Variants in IMMP2L observed in about 807,000 individuals in gnomAD.
The protein encoded by IMMP2L is inner mitochondrial membrane peptidase subunit 2, also known as mitochondrial inner membrane protease subunit 2.
A neutral mutation model predicts 19.3 loss-of-function variants in IMMP2L; 18 were observed. That is an observed-to-expected ratio of 0.93 (90% CI 0.64 to 1.38). IMMP2L has a LOEUF of 1.38. IMMP2L is among the 40% of genes most tolerant of loss of function. IMMP2L has a pLI of 0.00. For missense variants in IMMP2L, 233 were observed against 218.2 expected, an observed-to-expected ratio of 1.07 and a Z score of -0.43; for synonymous variants, 76 against 73.0, an observed-to-expected ratio of 1.04 and a Z score of -0.21.
intron 5 of IMMP2L, among the ~76,000 whole-genome samples, chr7:110,838,457 C>G (rs1314861379): frequency 6.6e-6 from 1 of 152,024 alleles, no homozygotes; most frequent in Non-Finnish European, 1.5e-5. Flanking sequence ...TATGGCAGTA[C>G]TGAAAGATGG....
intron 5 of IMMP2L, among the ~76,000 whole-genome samples, chr7:110,820,712 T>G (rs1177604804): frequency 6.6e-6 from 1 of 152,006 alleles, no homozygotes; most frequent in Non-Finnish European, 1.5e-5. Context: ...GCATACATAA[T>G]TTTTCAACTC....
intron 3 of IMMP2L, among the ~76,000 whole-genome samples, chr7:111,480,152 C>T (rs1842054603): frequency 6.6e-6 from 1 of 150,400 alleles, no homozygotes; most frequent in African/African-American, 2.5e-5. Context: ...GGCGCAATCT[C>T]GGCTCACTGC....
At chr7:111,435,643 T>A (rs1837085975) in intron 3 of IMMP2L, among the ~76,000 whole-genome samples, 1 of 151,822 alleles carries the variant, frequency 6.6e-6, no homozygotes, top group South Asian at 2.1e-4. Context: ...TATACACATG[T>A]AAGAAACCTG....
intron 3 of IMMP2L, among the ~76,000 whole-genome samples, chr7:110,998,845 G>C (rs1241719103): frequency 6.6e-6 from 1 of 152,164 alleles, no homozygotes. Context: ...GATTCAAGGG[G>C]AGAGGATATA....
At chr7:110,735,846 CA>C (rs59078426) in intron 5 of IMMP2L, among the ~76,000 whole-genome samples, 7,968 of 47,274 alleles carry the variant, frequency 0.17, 208 homozygotes, top group African/African-American at 0.32. Context: ...CACTCTGCCT[CA>C]AAAAAAAAAA....
intron 3 of IMMP2L, among the ~76,000 whole-genome samples, chr7:111,060,052 C>T (rs1040124267): frequency 3.9e-5 from 6 of 152,106 alleles, no homozygotes; most frequent in Admixed American, 3.9e-4. Flanking sequence ...GTCTAGAAAA[C>T]AGAGTGTGCA....
chr7:111,297,464 G>A (rs1821754784), intron 3 of IMMP2L, among the ~76,000 whole-genome samples: 1 of 152,068 alleles, frequency 6.6e-6, no homozygotes, highest in African/African-American at 2.4e-5. Context: ...TTTGTTACTG[G>A]TGAGACTGTC....
intron 3 of IMMP2L, among the ~76,000 whole-genome samples, chr7:111,387,574 C>T (rs1306718034): frequency 6.6e-6 from 1 of 152,120 alleles, no homozygotes; most frequent in African/African-American, 2.4e-5. Context: ...CTATCTTTAA[C>T]ATCAAAAATG....
intron 1 of IMMP2L, among the ~76,000 whole-genome samples, chr7:111,541,714 A>C (rs1046126612): frequency 1.3e-5 from 2 of 152,164 alleles, no homozygotes; most frequent in South Asian, 2.1e-4. Context: ...GGAATATATG[A>C]GCTAGATAAA....
At chr7:111,292,764 A>C (rs938280474) in intron 3 of IMMP2L, among the ~76,000 whole-genome samples, 6 of 152,032 alleles carry the variant, frequency 3.9e-5, no homozygotes, top group African/African-American at 1.4e-4. Flanking sequence ...AATAATGCCT[A>C]CTTCCCAGGG....
chr7:110,681,378 T>G (rs1295261184), intron 5 of IMMP2L, among the ~76,000 whole-genome samples: 2 of 152,164 alleles, frequency 1.3e-5, no homozygotes, highest in Middle Eastern at 3.4e-3. Flanking sequence ...TAGGGAAAAG[T>G]GAGGTCTTTC....
At chr7:111,119,612 A>C (rs1470669664) in intron 3 of IMMP2L, among the ~76,000 whole-genome samples, 2 of 152,236 alleles carry the variant, frequency 1.3e-5, no homozygotes, top group African/African-American at 2.4e-5. Context: ...ATACACATTA[A>C]AACAGATTTA....
At chr7:111,259,095 AACATAT>A (rs760939852) in intron 3 of IMMP2L, among the ~76,000 whole-genome samples, 94 of 152,094 alleles carry the variant, frequency 6.2e-4, no homozygotes, top group Admixed American at 1.2e-3. Flanking sequence ...TGCATAGCTA[AACATAT>A]CTAACATGTC....
intron 3 of IMMP2L, among the ~76,000 whole-genome samples, chr7:111,098,706 G>A (rs946692125): frequency 2.0e-5 from 3 of 151,694 alleles, no homozygotes; most frequent in Non-Finnish European, 4.4e-5. Flanking sequence ...TAAGCGCTAT[G>A]TTTAACCCAT....
intron 5 of IMMP2L, among the ~76,000 whole-genome samples, chr7:110,797,379 C>A (rs10260741): frequency 8.4e-4 from 128 of 151,746 alleles, no homozygotes; most frequent in African/African-American, 2.9e-3. Flanking sequence ...AAGTGTCTAC[C>A]TTTATTCAAG....
chr7:111,296,247 T>G (rs1177542897), intron 3 of IMMP2L, among the ~76,000 whole-genome samples: 2 of 151,762 alleles, frequency 1.3e-5, no homozygotes, highest in African/African-American at 4.8e-5. Flanking sequence ...AAGAAGATGG[T>G]CAATAAGCAT....
intron 5 of IMMP2L, among the ~76,000 whole-genome samples, chr7:110,730,853 C>T (rs563569818): frequency 6.6e-6 from 1 of 152,270 alleles, no homozygotes; most frequent in Admixed American, 6.5e-5. Flanking sequence ...CCTCAGTTTG[C>T]AGACACCCTC....
chr7:111,403,382 T>C (rs918622836), intron 3 of IMMP2L, among the ~76,000 whole-genome samples: 2 of 151,982 alleles, frequency 1.3e-5, no homozygotes, highest in African/African-American at 4.8e-5. Flanking sequence ...ACCTCTTTTC[T>C]TTATAAATTA....
At chr7:111,120,929 C>A (rs912462081) in intron 3 of IMMP2L, among the ~76,000 whole-genome samples, 5 of 147,216 alleles carry the variant, frequency 3.4e-5, no homozygotes, top group Non-Finnish European at 7.4e-5. Flanking sequence ...TGTTGCCTCT[C>A]TAACAGGCAA....
Sources: allele counts gnomAD v4.1 joint callset (sites outside exome capture counted in the v4.1 genomes callset), GRCh38; gene constraint gnomAD v4.1.1; transcripts MANE v1.5; gene names NCBI Gene and HGNC (gene_info 2026-07-23, HGNC 2026-07-21).